RAB6C: variants seen among roughly 807,000 people sequenced by gnomAD.
RAB6C encodes the protein RAB6C, member RAS oncogene family.
A neutral mutation model predicts 17.2 loss-of-function variants in RAB6C; 8 were observed. The observed-to-expected ratio is 0.46, with a 90% confidence interval of 0.27 to 0.84. The LOEUF (loss-of-function observed/expected upper bound fraction) is 0.84. Among genes scored for constraint, RAB6C ranks in the 40% least tolerant of loss-of-function variants. The pLI, the probability that RAB6C is intolerant of heterozygous loss-of-function variation, is 0.13. For synonymous variants in RAB6C, 78 were observed against 118.9 expected (o/e 0.66, Z 2.24); for missense variants, 151 against 306.5 (o/e 0.49, Z 3.79).
At position 129,980,817 on chromosome 2, in the gene RAB6C, G is replaced by C. The variant is rs771534604; in HGVS notation, c.702G>C (p.Leu234Phe). 1 of 1,587,742 alleles carries C rather than the reference G, an allele frequency of 6.3e-7. No homozygotes were observed. The highest frequency in any genetic ancestry group is 8.6e-7 in the Non-Finnish European group (1 of 1,167,684). The part of the protein sequence containing the change: ...SFIDCSVNIG[L>F]NLFPSLITFC... The stretch of plus-strand genomic sequence containing the variant: ...TTGACTGCAGTGTGAATATTGGCTT[G>C]AACCTTTTCCCTTCATTAATAACGT... The change falls in exon 1 of 1, where the codon TTG (leucine) becomes TTC (phenylalanine). Residue 234 changes from leucine to phenylalanine, a missense_variant. Physicochemically the swap from Leu to Phe is conservative, Grantham distance 22. Around this residue, in one of 2 missense-constraint regions of RAB6C, gnomAD observed 136 missense variants for 200.0 expected, o/e 0.68. Transcript: ENST00000410061.
rs1315864504 is a variant in RAB6C at position 129,982,371 on chromosome 2, A to C, written c.*1491A>C. On this transcript the variant is annotated 3_prime_UTR_variant, in exon 1 of 1. Coordinates refer to ENST00000410061, the MANE Select transcript of RAB6C (RefSeq NM_032144.3). ...GTTACAGGTCAGGAAAAGCCTGCTG[A>C]ATTTATGTTGTAAACGTTACTTAAC... 2.4e-5 allele frequency: 4 copies of C among 167,112 alleles called. No individual in the cohort carries two copies. Among genetic ancestry groups the C allele is most frequent in the Non-Finnish European group, 5.9e-5 (4 of 68,124 alleles). 10.4% of individuals were successfully genotyped at this position (167,112 alleles called of 1,614,324 possible).
rs6737695 is a variant in RAB6C at position 129,979,747 on chromosome 2, T to C, written c.-369T>C. Reference sequence around the variant, plus strand: ...AGAGATCCCGGATACATCTGCGGTTTGGGCTCCGCCACCCTCCGTCTCTCT... The same window carrying C: ...AGAGATCCCGGATACATCTGCGGTTCGGGCTCCGCCACCCTCCGTCTCTCT... On this transcript the variant is annotated 5_prime_UTR_variant, in exon 1 of 1. Transcript: ENST00000410061. 29,683 of 357,596 alleles carry C rather than the reference T, an allele frequency of 0.083. 5,559 individuals are homozygous for C. Among genetic ancestry groups the C allele is most frequent in the African/African-American group, 0.48 (21,835 of 45,584 alleles). 22.2% of individuals were successfully genotyped at this position (357,596 alleles called of 1,614,324 possible).
rs1368274651 is a variant in RAB6C, at chr2:129,982,264, A to G, written c.*1384A>G. The G allele has an allele frequency of 6.0e-6, 1 of 166,874 alleles. No individual in the cohort carries two copies. Among genetic ancestry groups the G allele is most frequent in the Non-Finnish European group, 1.5e-5 (1 of 68,082 alleles). The allele number at this position is 166,874 out of a possible 1,614,324, so 10.3% of individuals were successfully genotyped here. On this transcript the variant is annotated 3_prime_UTR_variant, in exon 1 of 1. Coordinates refer to ENST00000410061, the MANE Select transcript of RAB6C (RefSeq NM_032144.3). ...AATATACTAGGAGTGTGCCCTTTTA[A>G]TCTTTACTAGTTATTGTGAGATTGC... is the stretch of plus-strand genomic sequence containing the variant.
rs1298212660 is a variant in RAB6C at position 129,982,467 on chromosome 2, A to C, written c.*1587A>C. 1.2e-5 allele frequency: 2 copies of C among 167,096 alleles called. No homozygotes were observed. The highest frequency in any genetic ancestry group is 2.4e-5 in the African/African-American group (1 of 41,456). 10.4% of individuals were successfully genotyped at this position (167,096 alleles called of 1,614,324 possible). On this transcript the variant is annotated 3_prime_UTR_variant, in exon 1 of 1. Coordinates refer to ENST00000410061, the MANE Select transcript of RAB6C (RefSeq NM_032144.3). ...CATCCCCTCATTGCAACAAAACCTTAAACTGGGAGAACCTTAGTCCCCTCT... is the reference window on the plus strand; with the variant it reads ...CATCCCCTCATTGCAACAAAACCTTCAACTGGGAGAACCTTAGTCCCCTCT...
Position 129,981,083 on chromosome 2 carries a change from A to G in RAB6C, c.*203A>G, listed in dbSNP as rs540025314. 1.5e-4 allele frequency: 85 copies of G among 580,178 alleles called. No individual in the cohort carries two copies. The East Asian group carries it at 2.5e-3, about 17-fold the overall frequency. 35.9% of individuals were successfully genotyped at this position (580,178 alleles called of 1,614,324 possible). Reference sequence around the variant, plus strand: ...TATGAGTATGGCTTGGTTAACGAGCAGTATGTTCACAGCCTGCTTTATCTC... The same window carrying G: ...TATGAGTATGGCTTGGTTAACGAGCGGTATGTTCACAGCCTGCTTTATCTC... On this transcript the variant is annotated 3_prime_UTR_variant, in exon 1 of 1. Transcript: ENST00000410061.
Position 129,979,684 on chromosome 2 carries a change from CG to C in RAB6C, c.-430del. 9.2e-6 allele frequency: 2 copies of C among 217,384 alleles called. No homozygotes were observed. Among genetic ancestry groups the C allele is most frequent in the Non-Finnish European group, 1.9e-5 (2 of 105,640 alleles). The allele number at this position is 217,384 out of a possible 1,614,324, so 13.5% of individuals were successfully genotyped here. Reference sequence around the variant, plus strand: ...CTCGCGCACTCAGCAGGTTGGGCTGCGGCGGCGGCGGCTGGGGAAGCCGAAG... The same window carrying C: ...CTCGCGCACTCAGCAGGTTGGGCTGCGCGGCGGCGGCTGGGGAAGCCGAAG... On this transcript the variant is annotated 5_prime_UTR_variant, in exon 1 of 1. Transcript: ENST00000410061.
At position 129,979,712 on chromosome 2, in the gene RAB6C, G is replaced by T. The variant is rs1266390753; in HGVS notation, c.-404G>T. ...CGGCGGCGGCTGGGGAAGCCGAAGC[G>T]CCGCGCGTGAGAGATCCCGGATACA... On this transcript the variant is annotated 5_prime_UTR_variant, in exon 1 of 1. Transcript: ENST00000410061. 1.2e-5 allele frequency: 3 copies of T among 259,468 alleles called. No homozygotes were observed. Among genetic ancestry groups the T allele is most frequent in the Non-Finnish European group, 2.3e-5 (3 of 130,292 alleles). 16.1% of individuals were successfully genotyped at this position (259,468 alleles called of 1,614,324 possible).
chr2:129,981,116 T>A lies in RAB6C; in HGVS notation c.*236T>A, dbSNP rs1681756572. On this transcript the variant is annotated 3_prime_UTR_variant, in exon 1 of 1. Coordinates refer to ENST00000410061, the MANE Select transcript of RAB6C (RefSeq NM_032144.3). ...CACAGCCTGCTTTATCTCTCCTTGC[T>A]CTTCTCACCTCTCCCTTACCCCGTT... 6.2e-5 allele frequency: 28 copies of A among 449,994 alleles called. No homozygotes were observed. In the South Asian group the frequency reaches 7.4e-4, roughly 12 times the overall value. The allele number at this position is 449,994 out of a possible 1,614,324, so 27.9% of individuals were successfully genotyped here. A position where few individuals can be genotyped will look rare whatever the true frequency, so the allele number is the denominator to read the frequency against.
rs6719989 is a variant in RAB6C at position 129,979,730 on chromosome 2, C to G, written c.-386C>G. 17,936 of 314,664 alleles carry G rather than the reference C, an allele frequency of 0.057. 1,379 individuals are homozygous for G. Among genetic ancestry groups the G allele is most frequent in the African/African-American group, 0.21 (9,343 of 44,564 alleles). 19.5% of individuals were successfully genotyped at this position (314,664 alleles called of 1,614,324 possible). A position where few individuals can be genotyped will look rare whatever the true frequency, so the allele number is the denominator to read the frequency against. On this transcript the variant is annotated 5_prime_UTR_variant, in exon 1 of 1. Transcript: ENST00000410061. ...CCGAAGCGCCGCGCGTGAGAGATCC[C>G]GGATACATCTGCGGTTTGGGCTCCG...
At position 129,981,067 on chromosome 2, in the gene RAB6C, G is replaced by A. The variant is rs1681755637; in HGVS notation, c.*187G>A. The A allele has an allele frequency of 1.2e-5, 7 of 603,418 alleles. No homozygotes were observed. The highest frequency in any genetic ancestry group is 3.1e-5 in the Admixed American group (1 of 32,696). 37.4% of individuals were successfully genotyped at this position (603,418 alleles called of 1,614,324 possible). A position where few individuals can be genotyped will look rare whatever the true frequency, so the allele number is the denominator to read the frequency against. Reference sequence around the variant, plus strand: ...ATGGAAATCTCAACAGTATGAGTATGGCTTGGTTAACGAGCAGTATGTTCA... The same window carrying A: ...ATGGAAATCTCAACAGTATGAGTATAGCTTGGTTAACGAGCAGTATGTTCA... On this transcript the variant is annotated 3_prime_UTR_variant, in exon 1 of 1. Coordinates refer to ENST00000410061, the MANE Select transcript of RAB6C (RefSeq NM_032144.3).
In RAB6C at chr2:129,980,334, A is replaced by C. The variant is rs1681732581; in HGVS notation, c.219A>C (p.Glu73Asp). The C allele has an allele frequency of 6.2e-7, 1 of 1,607,812 alleles. No individual in the cohort carries two copies. The highest frequency in any genetic ancestry group is 1.1e-5 in the South Asian group (1 of 90,262). ...GLRLWDTAGQERLRSLIPRYI... is the reference protein window; with the variant it reads ...GLRLWDTAGQDRLRSLIPRYI... ...GGCTGTGGGATACGGCGGGTCAGGA[A>C]CGTCTCCGTAGCCTCATTCCCAGGT... Residue 73 changes from glutamate to aspartate, a missense_variant, in exon 1 of 1, where the codon GAA becomes GAC. Glu to Asp is a conservative substitution (Grantham distance 45, BLOSUM62 2). Coordinates refer to ENST00000410061, the MANE Select transcript of RAB6C (RefSeq NM_032144.3).
Position 129,982,147 on chromosome 2 carries a change from T to TC in RAB6C, c.*1267_*1268insC, listed in dbSNP as rs1334781234. On this transcript the variant is annotated 3_prime_UTR_variant, in exon 1 of 1. Transcript: ENST00000410061. ...TTGGCGATATTTCTTTGCTTTTTTTTTTTTTAACAACTTTCCATTTTTAGA... is the reference window on the plus strand; with the variant it reads ...TTGGCGATATTTCTTTGCTTTTTTTTCTTTTTAACAACTTTCCATTTTTAGA... 3.0e-5 allele frequency: 5 copies of TC among 167,118 alleles called. No individual in the cohort carries two copies. In the East Asian group the frequency reaches 9.6e-4, roughly 32 times the overall value. 10.4% of individuals were successfully genotyped at this position (167,118 alleles called of 1,614,324 possible). A position where few individuals can be genotyped will look rare whatever the true frequency, so the allele number is the denominator to read the frequency against.
In RAB6C at chr2:129,981,708, C is replaced by T. The variant is rs1479946939; in HGVS notation, c.*828C>T. 1 of 167,048 alleles carries T rather than the reference C, an allele frequency of 6.0e-6. No individual in the cohort carries two copies. Among genetic ancestry groups the T allele is most frequent in the Non-Finnish European group, 1.5e-5 (1 of 68,130 alleles). 10.3% of individuals were successfully genotyped at this position (167,048 alleles called of 1,614,324 possible). On this transcript the variant is annotated 3_prime_UTR_variant, in exon 1 of 1. Transcript: ENST00000410061. Reference sequence around the variant, plus strand: ...AAAATAATACTATGCAGGCAAGACACCATAAAAGTTTAATTCCTTACAGAA... The same window carrying T: ...AAAATAATACTATGCAGGCAAGACATCATAAAAGTTTAATTCCTTACAGAA...
rs1681752222 is a variant in RAB6C at position 129,980,935 on chromosome 2, CA to C, written c.*60del. ...CAGCGTCTTCATTATTTATATTTTACAAAAAGCCAAATTATTTCAGCATATT... is the reference window on the plus strand; with the variant it reads ...CAGCGTCTTCATTATTTATATTTTACAAAAGCCAAATTATTTCAGCATATT... On this transcript the variant is annotated 3_prime_UTR_variant, in exon 1 of 1. Coordinates refer to ENST00000410061, the MANE Select transcript of RAB6C (RefSeq NM_032144.3). 1.3e-6 allele frequency: 2 copies of C among 1,542,826 alleles called. No individual in the cohort carries two copies. The highest frequency in any genetic ancestry group is 1.7e-4 in the Middle Eastern group (1 of 5,720).
rs1314172272 is a variant in RAB6C, at chr2:129,982,486, C to T, written c.*1606C>T. On this transcript the variant is annotated 3_prime_UTR_variant, in exon 1 of 1. Coordinates refer to ENST00000410061, the MANE Select transcript of RAB6C (RefSeq NM_032144.3). Reference sequence around the variant, plus strand: ...AACCTTAAACTGGGAGAACCTTAGTCCCCTCTCTTTCCTCTTCCTCCTCCA... The same window carrying T: ...AACCTTAAACTGGGAGAACCTTAGTTCCCTCTCTTTCCTCTTCCTCCTCCA... 1.8e-5 allele frequency: 3 copies of T among 166,870 alleles called. No individual in the cohort carries two copies. Among genetic ancestry groups the T allele is most frequent in the Non-Finnish European group, 4.4e-5 (3 of 68,138 alleles). 10.3% of individuals were successfully genotyped at this position (166,870 alleles called of 1,614,324 possible). A position where few individuals can be genotyped will look rare whatever the true frequency, so the allele number is the denominator to read the frequency against.
Position 129,979,936 on chromosome 2 carries a change from T to C in RAB6C, c.-180T>C. 14 of 1,144,886 alleles carry C rather than the reference T, an allele frequency of 1.2e-5. No homozygotes were observed. Among genetic ancestry groups the C allele is most frequent in the Non-Finnish European group, 1.7e-5 (14 of 821,872 alleles). 70.9% of individuals were successfully genotyped at this position (1,144,886 alleles called of 1,614,324 possible). Reference sequence around the variant, plus strand: ...CGGGAGGCGGCGGCGGCTGCCAGTCTGTGGCGAGCCCTGCTGCCCTCCAGC... The same window carrying C: ...CGGGAGGCGGCGGCGGCTGCCAGTCCGTGGCGAGCCCTGCTGCCCTCCAGC... On this transcript the variant is annotated 5_prime_UTR_variant, in exon 1 of 1. Coordinates refer to ENST00000410061, the MANE Select transcript of RAB6C (RefSeq NM_032144.3).
In RAB6C at chr2:129,980,761, A is replaced by G. The variant is rs750432569; in HGVS notation, c.646A>G (p.Thr216Ala). 3.5e-5 allele frequency: 56 copies of G among 1,606,744 alleles called. No individual in the cohort carries two copies. The highest frequency in any genetic ancestry group is 4.3e-5 in the Non-Finnish European group (51 of 1,174,936). Residue 216 changes from threonine (T) to alanine (A), a missense_variant, in exon 1 of 1, where the codon ACC becomes GCC. By Grantham distance (58) the Thr-to-Ala change is moderately conservative (BLOSUM62 0). Coordinates refer to ENST00000410061, the MANE Select transcript of RAB6C (RefSeq NM_032144.3). Reference sequence around the variant, plus strand: ...CTGCTACTCTCCCATGTCATCTTCAACCCTTCCTCAGAAGCCCCCTTACTC... The same window carrying G: ...CTGCTACTCTCCCATGTCATCTTCAGCCCTTCCTCAGAAGCCCCCTTACTC... ...CSCYSPMSSS[T>A]LPQKPPYSFI...
chr2:129,982,353 G>A lies in RAB6C; in HGVS notation c.*1473G>A, dbSNP rs1265205936. On this transcript the variant is annotated 3_prime_UTR_variant, in exon 1 of 1. Coordinates refer to ENST00000410061, the MANE Select transcript of RAB6C (RefSeq NM_032144.3). ...GCAGGAAGAAAACTTCGAGTTACAGGTCAGGAAAAGCCTGCTGAATTTATG... is the reference window on the plus strand; with the variant it reads ...GCAGGAAGAAAACTTCGAGTTACAGATCAGGAAAAGCCTGCTGAATTTATG... 1.2e-5 allele frequency: 2 copies of A among 167,134 alleles called. No homozygotes were observed. The highest frequency in any genetic ancestry group is 1.5e-5 in the Non-Finnish European group (1 of 68,110). 10.4% of individuals were successfully genotyped at this position (167,134 alleles called of 1,614,324 possible).
In RAB6C at chr2:129,979,932, A is replaced by G. The variant is rs1681714019; in HGVS notation, c.-184A>G. 3.6e-6 allele frequency: 4 copies of G among 1,100,106 alleles called. No homozygotes were observed. Among genetic ancestry groups the G allele is most frequent in the Middle Eastern group, 3.1e-4 (1 of 3,202 alleles). The allele number at this position is 1,100,106 out of a possible 1,614,324, so 68.1% of individuals were successfully genotyped here. The stretch of plus-strand genomic sequence containing the variant: ...CTGCCGGGAGGCGGCGGCGGCTGCC[A>G]GTCTGTGGCGAGCCCTGCTGCCCTC... On this transcript the variant is annotated 5_prime_UTR_variant, in exon 1 of 1. Coordinates refer to ENST00000410061, the MANE Select transcript of RAB6C (RefSeq NM_032144.3).
Sources: gnomAD v4.1 joint callset for allele counts on GRCh38, gnomAD v4.1.1 for gene constraint, gnomAD v4.1.1 regional missense constraint, MANE v1.5 for transcripts, NCBI Gene and HGNC (gene_info 2026-07-23, HGNC 2026-07-21) for gene names.